The following SV2C variants were observed in gnomAD, a reference collection of about 807,000 sequenced individuals.
SV2C encodes solute carrier family 22 member B3.
In SV2C, 49 loss-of-function variants were observed where a neutral mutation model predicts 79.7. That is an observed-to-expected ratio of 0.61 (90% confidence interval 0.49 to 0.78). SV2C has a LOEUF of 0.78. Ranked by LOEUF, SV2C falls within the 30% of genes least tolerant of loss-of-function variation. The pLI is 0.00. For missense variants in SV2C, 833 were observed against 912.9 expected (o/e 0.91, Z 1.13); for synonymous variants, 334 against 333.2 (o/e 1.00, Z -0.03).
At chr5:76,152,647 T>C (rs1035120187) in intron 2 of SV2C, among the ~76,000 whole-genome samples, 3 of 152,162 alleles carry the variant, frequency 2.0e-5, no homozygotes, top group African/African-American at 7.2e-5. Flanking sequence ...AGAGGTGTGG[T>C]GGGAAGACAG....
chr5:76,209,610 A>G, intron 3 of SV2C, 126 bp from the exon 4 acceptor site: 2 of 906,050 alleles, frequency 2.2e-6, no homozygotes, highest in Non-Finnish European at 3.2e-6. Flanking sequence ...TAGAAAATAT[A>G]TGTTTGTTGA....
intron 2 of SV2C, among the ~76,000 whole-genome samples, chr5:76,177,123 AAC>A (rs1491232972): frequency 2.7e-4 from 40 of 147,542 alleles, no homozygotes; most frequent in South Asian, 1.3e-3. Flanking sequence ...TCAAAAAAAA[AAC>A]AACAAAAAAC....
At chr5:76,226,081 C>A (rs1227235296) in intron 4 of SV2C, among the ~76,000 whole-genome samples, 2 of 152,196 alleles carry the variant, frequency 1.3e-5, no homozygotes, top group African/African-American at 4.8e-5. Flanking sequence ...TCTAATGGAT[C>A]TGGGAGTTCA....
At chr5:76,294,003 G>A (rs1288743535) in intron 8 of SV2C, among the ~76,000 whole-genome samples, 4 of 152,160 alleles carry the variant, frequency 2.6e-5, no homozygotes, top group Admixed American at 6.5e-5. Context: ...ATAAACTAGA[G>A]CAGTGGTTCT....
intron 1 of SV2C, among the ~76,000 whole-genome samples, chr5:76,124,565 T>A (rs1748638177): frequency 6.6e-6 from 1 of 152,228 alleles, no homozygotes; most frequent in South Asian, 2.1e-4. Context: ...ATAACACTGT[T>A]AGAATCATAG....
chr5:75,934,066 T>C, the SV2C span, among the ~76,000 whole-genome samples: 1 of 152,314 alleles, frequency 6.6e-6, no homozygotes, highest in East Asian at 1.9e-4. Context: ...TCAACTATTA[T>C]ATGGAGAATT....
chr5:76,098,068 G>A (rs1298123600), intron 1 of SV2C, among the ~76,000 whole-genome samples: 1 of 152,182 alleles, frequency 6.6e-6, no homozygotes, highest in Admixed American at 6.5e-5. Flanking sequence ...AACAGGGGAA[G>A]CTTAGGGAGA....
chr5:75,902,740 C>T, the SV2C span, among the ~76,000 whole-genome samples: 1 of 152,248 alleles, frequency 6.6e-6, no homozygotes, highest in East Asian at 1.9e-4. Context: ...TCATAATTTG[C>T]TGGGCATTTG....
At position 76,258,316 on chromosome 5, in the gene SV2C, T is replaced by C. The variant is rs539231223; in HGVS notation, c.914-26846T>C. Among the ~76,000 whole-genome samples the C allele has an allele frequency of 4.9e-4, 75 of 152,188 alleles. 1 individual carries two copies. Among genetic ancestry groups the C allele is most frequent in the South Asian group, 1.2e-3 (6 of 4,828 alleles). On this transcript the variant is annotated intron_variant, in intron 4 of 12. Transcript: ENST00000502798. Reference sequence around the variant, plus strand: ...ACAGACAATTCTAGACAGAAGGACATGGGCAGGGGGCAACTGCCTCAGGAA... The same window carrying C: ...ACAGACAATTCTAGACAGAAGGACACGGGCAGGGGGCAACTGCCTCAGGAA...
Position 76,240,462 on chromosome 5 carries a change from G to A in SV2C, c.913+30575G>A, listed in dbSNP as rs370001575. ...CTCATCCCCACACAGACTCAGCCTC[G>A]AAGTGCAGGGGAAGTAACTAACTAG... On this transcript the variant is annotated intron_variant, in intron 4 of 12. Coordinates refer to ENST00000502798, the MANE Select transcript of SV2C (RefSeq NM_014979.4). Among the ~76,000 whole-genome samples the A allele has an allele frequency of 6.5e-4, 99 of 152,250 alleles. 4 individuals carry two copies. The South Asian group carries it at 0.02, about 31-fold the overall frequency.
intron 4 of SV2C, among the ~76,000 whole-genome samples, chr5:76,246,437 G>A (rs992868251): frequency 1.3e-4 from 20 of 152,210 alleles, no homozygotes; most frequent in African/African-American, 4.8e-4. Context: ...CTCCTGTCCA[G>A]TGGACTGTCT....
Position 76,327,039 on chromosome 5 carries a change from T to C in SV2C, c.*1492T>C, listed in dbSNP as rs998131855. ...TTATTCTTGTTACTTATTATAGGCA[T>C]TTTCAGGCAAGCCATAGCTTGGGGC... On this transcript the variant is annotated 3_prime_UTR_variant, in exon 13 of 13. Coordinates refer to ENST00000502798, the MANE Select transcript of SV2C (RefSeq NM_014979.4). 6.6e-6 allele frequency: 1 copy of C among 152,180 alleles called. No homozygotes were observed. The highest frequency in any genetic ancestry group is 2.4e-5 in the African/African-American group (1 of 41,446). 9.4% of individuals were successfully genotyped at this position (152,180 alleles called of 1,614,324 possible). A position where few individuals can be genotyped will look rare whatever the true frequency, so the allele number is the denominator to read the frequency against.
At chr5:75,938,479 C>A in the SV2C span, among the ~76,000 whole-genome samples, 1 of 152,146 alleles carries the variant, frequency 6.6e-6, no homozygotes, top group African/African-American at 2.4e-5. Flanking sequence ...TGGGGTTTTA[C>A]AAACACGACT....
chr5:75,871,824 T>TACACACAC, the SV2C span, among the ~76,000 whole-genome samples: 5 of 114,538 alleles, frequency 4.4e-5, no homozygotes, highest in African/African-American at 2.0e-4. Context: ...TAAATATATA[T>TACACACAC]ATATATATAT....
intron 1 of SV2C, among the ~76,000 whole-genome samples, chr5:76,098,697 A>T (rs1292327786): frequency 2.0e-5 from 3 of 152,250 alleles, no homozygotes; most frequent in Non-Finnish European, 4.4e-5. Flanking sequence ...ACAAAACAAA[A>T]CAAAAACAAC....
chr5:76,225,756 T>C (rs1484606941), intron 4 of SV2C, among the ~76,000 whole-genome samples: 1 of 152,186 alleles, frequency 6.6e-6, no homozygotes, highest in Non-Finnish European at 1.5e-5. Flanking sequence ...AAATATATTT[T>C]CTCTGTCTAA....
At chr5:76,048,390 C>G in the SV2C span, among the ~76,000 whole-genome samples, 1 of 152,174 alleles carries the variant, frequency 6.6e-6, no homozygotes, top group Non-Finnish European at 1.5e-5. Context: ...AGGCCCTCAA[C>G]AGATTAGGTG....
the SV2C span, among the ~76,000 whole-genome samples, chr5:76,068,412 A>C: frequency 6.6e-6 from 1 of 152,104 alleles, no homozygotes; most frequent in African/African-American, 2.4e-5. Context: ...ACTCTTTTTT[A>C]AAAAATATAT....
the SV2C span, among the ~76,000 whole-genome samples, chr5:75,856,146 T>A: frequency 2.6e-5 from 4 of 152,214 alleles, no homozygotes; most frequent in African/African-American, 9.6e-5. Context: ...GGCTGAATAG[T>A]AGTACTCTAT....
Sources: gnomAD v4.1 joint callset for allele counts (sites outside exome capture counted in the v4.1 genomes callset) on GRCh38, gnomAD v4.1.1 for gene constraint, MANE v1.5 for transcripts, NCBI Gene and HGNC (gene_info 2026-07-23, HGNC 2026-07-21) for gene names.